The following ZNF462 variants were observed in gnomAD, a reference collection of about 807,000 sequenced individuals.
ZNF462 encodes zinc finger PBX1-interacting protein.
A neutral mutation model predicts 201.9 loss-of-function variants in ZNF462; 10 were observed. The ratio of observed to expected loss-of-function variants is 0.05; its 90% confidence interval spans 0.03 to 0.08. ZNF462 has a LOEUF of 0.08. ZNF462 is among the 10% of genes least tolerant of loss of function. The pLI is 1.00. For synonymous variants in ZNF462, 1,227 were observed against 1,193.3 expected, an observed-to-expected ratio of 1.03 and a Z score of -0.58; for missense variants, 2,523 against 3,168.3, an observed-to-expected ratio of 0.80 and a Z score of 4.89.
At position 106,924,181 on chromosome 9, in the gene ZNF462, C is replaced by T. The variant is rs183583679; in HGVS notation, c.269C>T (p.Pro90Leu). 3.7e-6 allele frequency: 6 copies of T among 1,613,926 alleles called. No individual in the cohort carries two copies. The highest frequency in any genetic ancestry group is 8.5e-7 in the Non-Finnish European group (1 of 1,179,960). ...LGTGGYYGHS[P>L]GYYGQHIAAN... ...ACCGGAGGTTACTATGGCCACAGTC[C>T]AGGATATTATGGTCAGCATATTGCC... Residue 90 changes from proline (P) to leucine (L), a missense_variant, in exon 3 of 13, where the codon CCA (proline) becomes CTA (leucine). By Grantham distance (98) the Pro-to-Leu change is moderately conservative. Around this residue, in one of 15 missense-constraint regions of ZNF462, gnomAD observed 480 missense variants for 544.4 expected, o/e 0.88. Transcript: ENST00000277225. The surrounding 1 kb of genome is among the most constrained non-coding windows in gnomAD (Gnocchi z 6.2).
At position 106,886,286 on chromosome 9, in the gene ZNF462, A is replaced by G. The variant is rs773844568; in HGVS notation, c.-31+22931A>G. 1.3e-5 allele frequency among the ~76,000 whole-genome samples: 2 copies of G among 152,190 alleles called. No individual in the cohort carries two copies. The highest frequency in any genetic ancestry group is 2.9e-5 in the Non-Finnish European group (2 of 68,032). Reference sequence around the variant, plus strand: ...TTCTCTGTCTTTTCATGACTTGGGTATGTTTATGTAGATCCAAAATTATTT... The same window carrying G: ...TTCTCTGTCTTTTCATGACTTGGGTGTGTTTATGTAGATCCAAAATTATTT... On this transcript the variant is annotated intron_variant, in intron 1 of 12. Transcript: ENST00000277225. The surrounding 1 kb of genome is among the most constrained non-coding windows in gnomAD (Gnocchi z 4.6).
In ZNF462 at chr9:106,972,339, C is replaced by CTTCCCTTA; in HGVS notation, c.6695+68_6695+75dup. 6.4e-7 allele frequency: 1 copy of CTTCCCTTA among 1,558,624 alleles called. No homozygotes were observed. On this transcript the variant is annotated intron_variant, in intron 8 of 12. Coordinates refer to ENST00000277225, the MANE Select transcript of ZNF462 (RefSeq NM_021224.6). This position sits in a 1 kb window ranked among gnomAD's most constrained non-coding sequence, Gnocchi z 4.8. ...CCCCTGCTCCACCCCTCACTGCAGGCTTCCCTTACACTTTCCTACTTGGAG... is the reference window on the plus strand; with the variant it reads ...CCCCTGCTCCACCCCTCACTGCAGGCTTCCCTTATTCCCTTACACTTTCCTACTTGGAG...
rs1588106698 is a variant in ZNF462, at chr9:106,950,573, A to G, written c.6427+11466A>G. Among the ~76,000 whole-genome samples, 2 of 152,214 alleles carry G rather than the reference A, an allele frequency of 1.3e-5. No homozygotes were observed. Among genetic ancestry groups the G allele is most frequent in the Non-Finnish European group, 2.9e-5 (2 of 68,042 alleles). ...CATGTAAGCAAGAGTAATGCCATCA[A>G]TATGTCTATTAGAAGAAACATAATA... On this transcript the variant is annotated intron_variant, in intron 7 of 12. Coordinates refer to ENST00000277225, the MANE Select transcript of ZNF462 (RefSeq NM_021224.6). The surrounding 1 kb of genome is among the most constrained non-coding windows in gnomAD (Gnocchi z 4.1).
chr9:106,932,341 C>G lies in ZNF462; in HGVS notation c.6013-105C>G. 3 of 1,571,198 alleles carry G rather than the reference C, an allele frequency of 1.9e-6. No individual in the cohort carries two copies. The highest frequency in any genetic ancestry group is 2.6e-6 in the Non-Finnish European group (3 of 1,157,878). On this transcript the variant is annotated intron_variant, in intron 4 of 12. Transcript: ENST00000277225. This position sits in a 1 kb window ranked among gnomAD's most constrained non-coding sequence, Gnocchi z 6.8. ...AGACGCCAGTGGCGCCCTGGTGGGC[C>G]GGGTGGATGGTGAACACTGCTTGCT...
At position 106,983,974 on chromosome 9, in the gene ZNF462, A is replaced by C. The variant is rs564778615; in HGVS notation, c.6833-212A>C. Among the ~76,000 whole-genome samples the C allele has an allele frequency of 2.0e-5, 3 of 152,256 alleles. No homozygotes were observed. The East Asian group carries it at 5.8e-4, about 29-fold the overall frequency. On this transcript the variant is annotated intron_variant, in intron 9 of 12. Transcript: ENST00000277225. ...GGTCATTCTGGGTATTAAGTACACA[A>C]AGAGCTTTTGGTCTTAAAAACACCC...
chr9:106,862,814 C>A (rs549422064), upstream of ZNF462, among the ~76,000 whole-genome samples: 1 of 152,108 alleles, frequency 6.6e-6, no homozygotes, highest in African/African-American at 2.4e-5. This position sits in a 1 kb window ranked among gnomAD's most constrained non-coding sequence, Gnocchi z 4.2. Flanking sequence ...CTCTTTTTTC[C>A]CCTAGCCTTT....
Position 106,974,574 on chromosome 9 carries a change from C to G in ZNF462, c.6832+301C>G. ...GACAATTCTGCCACCCACAGCCTTGCGTAGACTGCATAGAAGGAATGAACA... is the reference window on the plus strand; with the variant it reads ...GACAATTCTGCCACCCACAGCCTTGGGTAGACTGCATAGAAGGAATGAACA... On this transcript the variant is annotated intron_variant, in intron 9 of 12. Transcript: ENST00000277225. The surrounding 1 kb of genome is among the most constrained non-coding windows in gnomAD (Gnocchi z 4.0). 4.6e-6 allele frequency: 2 copies of G among 439,502 alleles called. No individual in the cohort carries two copies. The highest frequency in any genetic ancestry group is 8.5e-6 in the Non-Finnish European group (2 of 235,134). 27.2% of individuals were successfully genotyped at this position (439,502 alleles called of 1,614,324 possible).
intron 7 of ZNF462, 38 bp downstream of exon 7, chr9:106,939,145 G>A (rs2131618379): frequency 4.7e-6 from 7 of 1,487,498 alleles, no homozygotes; most frequent in Non-Finnish European, 6.3e-6. Flanking sequence ...AACCACTCAG[G>A]GTTGAGGTGG....
At chr9:106,947,114 C>T (rs1039343397) in intron 7 of ZNF462, among the ~76,000 whole-genome samples, 3 of 152,118 alleles carry the variant, frequency 2.0e-5, no homozygotes, top group Admixed American at 6.5e-5. Flanking sequence ...GGATTCAGTC[C>T]GTTTCTGTTT....
In ZNF462 at chr9:106,890,457, T is replaced by C. The variant is rs1828527148; in HGVS notation, c.-31+27102T>C. On this transcript the variant is annotated intron_variant, in intron 1 of 12. Transcript: ENST00000277225. The surrounding 1 kb of genome is among the most constrained non-coding windows in gnomAD (Gnocchi z 4.2). Reference sequence around the variant, plus strand: ...ACAAAAATCTAGCACTTGAAGCCACTTAATCAAATATCATATCCACACACC... The same window carrying C: ...ACAAAAATCTAGCACTTGAAGCCACCTAATCAAATATCATATCCACACACC... Among the ~76,000 whole-genome samples the C allele has an allele frequency of 6.6e-6, 1 of 152,238 alleles. No homozygotes were observed. Among genetic ancestry groups the C allele is most frequent in the Admixed American group, 6.5e-5 (1 of 15,282 alleles).
At chr9:106,863,708 C>T (rs1221437862) in intron 1 of ZNF462, among the ~76,000 whole-genome samples, 1 of 151,434 alleles carries the variant, frequency 6.6e-6, no homozygotes, top group Non-Finnish European at 1.5e-5. Context: ...AGCGCGGTGG[C>T]TTAATTAATT....
In ZNF462 at chr9:106,876,021, T is replaced by G. The variant is rs1052186188; in HGVS notation, c.-31+12666T>G. Among the ~76,000 whole-genome samples the G allele has an allele frequency of 6.6e-6, 1 of 152,174 alleles. No homozygotes were observed. Among genetic ancestry groups the G allele is most frequent in the Admixed American group, 6.5e-5 (1 of 15,280 alleles). ...TCTAAAACATCAAGAGTGCAAATAG[T>G]CATCTCTTAGAATTTCTGGGGTGAA... is the stretch of plus-strand genomic sequence containing the variant. On this transcript the variant is annotated intron_variant, in intron 1 of 12. Transcript: ENST00000277225. This position sits in a 1 kb window ranked among gnomAD's most constrained non-coding sequence, Gnocchi z 4.9.
At position 106,880,469 on chromosome 9, in the gene ZNF462, A is replaced by G. The variant is rs1828042025; in HGVS notation, c.-31+17114A>G. Among the ~76,000 whole-genome samples the G allele has an allele frequency of 6.6e-6, 1 of 152,212 alleles. No homozygotes were observed. Among genetic ancestry groups the G allele is most frequent in the Admixed American group, 6.5e-5 (1 of 15,284 alleles). On this transcript the variant is annotated intron_variant, in intron 1 of 12. Transcript: ENST00000277225. This position sits in a 1 kb window ranked among gnomAD's most constrained non-coding sequence, Gnocchi z 4.1. ...GCTGCATTAAACCAGTGAGAAGTCCAAGGCTCCATTTCATCCCGTGTAAAA... is the reference window on the plus strand; with the variant it reads ...GCTGCATTAAACCAGTGAGAAGTCCGAGGCTCCATTTCATCCCGTGTAAAA...
chr9:106,927,107 A>G lies in ZNF462; in HGVS notation c.3195A>G (p.Lys1065=). ...AGGCTTCCTACTTTAGGATCCAGAA[A>G]ACTATGCGAATGGTGTCTGTGGACA... The part of the protein sequence containing the change: ...EEKASYFRIQ[K]TMRMVSVDRG... Residue 1065 remains lysine (K), a synonymous_variant, in exon 3 of 13, where the codon AAA becomes AAG. Coordinates refer to ENST00000277225, the MANE Select transcript of ZNF462 (RefSeq NM_021224.6). 1.2e-6 allele frequency: 2 copies of G among 1,614,142 alleles called. No homozygotes were observed. The highest frequency in any genetic ancestry group is 1.7e-6 in the Non-Finnish European group (2 of 1,180,022).
intron 7 of ZNF462, among the ~76,000 whole-genome samples, chr9:106,951,202 G>A (rs1298019183): frequency 6.6e-6 from 1 of 152,076 alleles, no homozygotes; most frequent in African/African-American, 2.4e-5. Context: ...ATTATTATGT[G>A]CCTCTACCCC....
Position 106,974,421 on chromosome 9 carries a change from T to A in ZNF462, c.6832+148T>A. 1 of 1,295,802 alleles carries A rather than the reference T, an allele frequency of 7.7e-7. No individual in the cohort carries two copies. Among genetic ancestry groups the A allele is most frequent in the Non-Finnish European group, 1.1e-6 (1 of 896,800 alleles). The allele number at this position is 1,295,802 out of a possible 1,614,324, so 80.3% of individuals were successfully genotyped here. ...CAAGAAACCACAGTGATAACCACAG[T>A]GACAGCCAAAAGGGCAAAAACACCT... On this transcript the variant is annotated intron_variant, in intron 9 of 12. Coordinates refer to ENST00000277225, the MANE Select transcript of ZNF462 (RefSeq NM_021224.6). This position sits in a 1 kb window ranked among gnomAD's most constrained non-coding sequence, Gnocchi z 4.0.
chr9:107,000,440 A>G (rs2132593076), intron 10 of ZNF462, among the ~76,000 whole-genome samples: 1 of 152,220 alleles, frequency 6.6e-6, no homozygotes, highest in East Asian at 1.9e-4. Flanking sequence ...GCAGTAATCC[A>G]GGTAAAAGAT....
chr9:106,957,259 A>G (rs1831621102), intron 7 of ZNF462, among the ~76,000 whole-genome samples: 1 of 152,066 alleles, frequency 6.6e-6, no homozygotes. Context: ...GGGAATAGGG[A>G]GGTCCAAGGA....
In ZNF462 at chr9:106,923,379, A is replaced by G; in HGVS notation, c.-5A>G. On this transcript the variant is annotated 5_prime_UTR_variant, in exon 2 of 13. Coordinates refer to ENST00000277225, the MANE Select transcript of ZNF462 (RefSeq NM_021224.6). This position sits in a 1 kb window ranked among gnomAD's most constrained non-coding sequence, Gnocchi z 5.6. ...GTTCCTAATGTGAGAGGCTAGACCC[A>G]GATCATGGAGGTGCTTCAGTGTGAT... 1.9e-6 allele frequency: 3 copies of G among 1,614,062 alleles called. No individual in the cohort carries two copies. In the South Asian group the frequency reaches 3.3e-5, roughly 18 times the overall value.
Sources: gnomAD v4.1 joint callset for allele counts (sites outside exome capture counted in the v4.1 genomes callset) on GRCh38, gnomAD v4.1.1 for gene constraint, gnomAD v4.1.1 regional missense constraint, Gnocchi (gnomAD v3.1) non-coding constraint, MANE v1.5 for transcripts, NCBI Gene and HGNC (gene_info 2026-07-23, HGNC 2026-07-21) for gene names.